CEP112: variants seen among roughly 807,000 people sequenced by gnomAD.
CEP112 encodes the protein centrosomal protein 112.
In CEP112, 127 loss-of-function variants were observed where a neutral mutation model predicts 153.0. The observed-to-expected ratio is 0.83, with a 90% CI of 0.72 to 0.96. The LOEUF (loss-of-function observed/expected upper bound fraction) is 0.96, where lower values mean the gene tolerates loss of function less well. Ranked by LOEUF, CEP112 falls within the 40% of genes least tolerant of loss-of-function variation. The pLI is 0.00. For missense variants in CEP112, 1,089 were observed against 1,101.2 expected (o/e 0.99, Z 0.16); for synonymous variants, 358 against 374.4 (o/e 0.96, Z 0.51).
At chr17:65,935,376 T>C (rs1389188178) in intron 18 of CEP112, among the ~76,000 whole-genome samples, 1 of 151,964 alleles carries the variant, frequency 6.6e-6, no homozygotes, top group African/African-American at 2.4e-5. Context: ...ACATAGAACA[T>C]CAATAAGGAA....
chr17:66,005,550 G>A (rs1598082439), intron 17 of CEP112, 140 bp downstream of exon 17: 2 of 1,036,864 alleles, frequency 1.9e-6, no homozygotes, highest in Admixed American at 7.5e-5. Context: ...TGAAGATAGA[G>A]ATTTGTGATG....
intron 10 of CEP112, among the ~76,000 whole-genome samples, chr17:66,064,372 T>A (rs1598274368): frequency 6.6e-6 from 1 of 152,222 alleles, no homozygotes; most frequent in East Asian, 1.9e-4. Context: ...AATATTTGCC[T>A]TATAAATCAT....
intron 1 of CEP112, among the ~76,000 whole-genome samples, chr17:66,184,950 T>C (rs140651225): frequency 1.0e-3 from 157 of 152,080 alleles, no homozygotes; most frequent in African/African-American, 3.6e-3. Flanking sequence ...AAACTTCAAA[T>C]CCTTATGCTA....
intron 2 of CEP112, among the ~76,000 whole-genome samples, chr17:66,180,150 T>C (rs182669842): frequency 6.8e-4 from 104 of 152,314 alleles, no homozygotes; most frequent in African/African-American, 2.4e-3. Context: ...TAGTTTTCTT[T>C]CTTTGATGTA....
chr17:65,998,701 C>T (rs935715493), intron 17 of CEP112, among the ~76,000 whole-genome samples: 3 of 151,880 alleles, frequency 2.0e-5, no homozygotes, highest in Non-Finnish European at 2.9e-5. Flanking sequence ...ATATAACAGA[C>T]ACTATTCTAA....
chr17:66,029,913 T>A lies in CEP112; in HGVS notation c.1329A>T (p.Arg443Ser), dbSNP rs142805905. Residue 443 changes from arginine (R) to serine (S), a missense_variant, in exon 13 of 27, where the codon AGA becomes AGT. By Grantham distance (110) the Arg-to-Ser change is moderately radical (BLOSUM62 -1). Transcript: ENST00000535342. ...ATTCACTACACGTTATCTGGTAACATCTTTCAAGTTCTGCTTTTTCTTGAA... is the reference window on the plus strand; with the variant it reads ...ATTCACTACACGTTATCTGGTAACAACTTTCAAGTTCTGCTTTTTCTTGAA... ...KLIQEKAELE[R>S]CYQITCSELQ... 9.6e-4 allele frequency: 1,544 copies of A among 1,613,964 alleles called. 28 individuals are homozygous for A. In the East Asian group the frequency reaches 0.032, roughly 33 times the overall value.
At chr17:66,166,903 C>CAAA (rs10714039) in intron 4 of CEP112, among the ~76,000 whole-genome samples, 2 of 88,506 alleles carry the variant, frequency 2.3e-5, no homozygotes, top group Admixed American at 1.2e-4. Context: ...GACTCCATCT[C>CAAA]AAAAAAAAAA....
At chr17:65,737,939 G>A (rs560952207) in intron 23 of CEP112, among the ~76,000 whole-genome samples, 104 of 152,310 alleles carry the variant, frequency 6.8e-4, no homozygotes, top group Non-Finnish European at 1.1e-3. Context: ...AAAAGTCTGC[G>A]GGGTCATGTC....
chr17:65,900,491 C>T (rs1160745401), intron 20 of CEP112, among the ~76,000 whole-genome samples: 3 of 152,128 alleles, frequency 2.0e-5, no homozygotes, highest in Non-Finnish European at 4.4e-5. Flanking sequence ...GAACCGCACC[C>T]TATATGGCAG....
chr17:65,990,348 A>G (rs943762552), intron 17 of CEP112, among the ~76,000 whole-genome samples: 1 of 152,270 alleles, frequency 6.6e-6, no homozygotes, highest in Admixed American at 6.5e-5. Flanking sequence ...GAGCAATCAC[A>G]GTATCTACTT....
intron 16 of CEP112, among the ~76,000 whole-genome samples, chr17:66,009,505 C>T (rs1458357448): frequency 2.0e-5 from 3 of 151,994 alleles, no homozygotes; most frequent in Non-Finnish European, 4.4e-5. Flanking sequence ...CTGTAGTTTG[C>T]CTCTTCACTC....
At chr17:65,980,313 T>G (rs750329768) in intron 17 of CEP112, among the ~76,000 whole-genome samples, 4 of 152,190 alleles carry the variant, frequency 2.6e-5, no homozygotes, top group Non-Finnish European at 5.9e-5. Flanking sequence ...TTGTTAAAAT[T>G]CATGACATCA....
chr17:65,938,264 A>G (rs1278402309), intron 18 of CEP112, among the ~76,000 whole-genome samples: 2 of 142,920 alleles, frequency 1.4e-5, no homozygotes. Flanking sequence ...TCAAGTACCC[A>G]GGGACACAAA....
chr17:65,811,301 G>A (rs2055936460), intron 21 of CEP112, among the ~76,000 whole-genome samples: 1 of 152,150 alleles, frequency 6.6e-6, no homozygotes, highest in Non-Finnish European at 1.5e-5. Flanking sequence ...AATCTAAGCT[G>A]AGAAGTGAAA....
rs1048789252 is a variant in CEP112, at chr17:65,954,991, G to A, written c.1872+6472C>T. Among the ~76,000 whole-genome samples the A allele has an allele frequency of 2.0e-5, 3 of 152,246 alleles. No individual in the cohort carries two copies. The East Asian group carries it at 5.8e-4, about 29-fold the overall frequency. On this transcript the variant is annotated intron_variant, in intron 18 of 26. Transcript: ENST00000535342. ...CCAGCCTTGCTAAAGGCCTAGACATGCAAATACAAGAAGCACAAAGAACAC... is the reference window on the plus strand; with the variant it reads ...CCAGCCTTGCTAAAGGCCTAGACATACAAATACAAGAAGCACAAAGAACAC...
At chr17:65,665,462 T>G (rs1341382145) in intron 24 of CEP112, among the ~76,000 whole-genome samples, 3 of 152,164 alleles carry the variant, frequency 2.0e-5, no homozygotes, top group Non-Finnish European at 4.4e-5. Flanking sequence ...CTGCTAGAAT[T>G]AGAGCACAGG....
chr17:65,980,358 G>GA, intron 17 of CEP112, among the ~76,000 whole-genome samples: 1 of 152,114 alleles, frequency 6.6e-6, no homozygotes, highest in East Asian at 1.9e-4. Context: ...AGGAATAAAG[G>GA]AAATTCAATG....
intron 21 of CEP112, among the ~76,000 whole-genome samples, chr17:65,788,963 C>A (rs1417098483): frequency 6.6e-6 from 1 of 152,164 alleles, no homozygotes; most frequent in African/African-American, 2.4e-5. Flanking sequence ...TTGCCCCATT[C>A]CATCTGCCCT....
chr17:65,746,785 T>C (rs1013642882), intron 22 of CEP112, among the ~76,000 whole-genome samples: 1 of 152,138 alleles, frequency 6.6e-6, no homozygotes, highest in African/African-American at 2.4e-5. Flanking sequence ...TGAAAGCTAA[T>C]ATATACAATC....
Sources: allele counts gnomAD v4.1 joint callset (sites outside exome capture counted in the v4.1 genomes callset), GRCh38; gene constraint gnomAD v4.1.1; transcripts MANE v1.5; gene names NCBI Gene and HGNC (gene_info 2026-07-23, HGNC 2026-07-21).